Variants in RUFY2 observed in about 807,000 individuals in gnomAD.
RUFY2 encodes the protein RUN and FYVE domain-containing protein 2.
RUFY2 carries 49 observed loss-of-function variants against 94.4 expected under a neutral mutation model. The ratio of observed to expected loss-of-function variants is 0.52; its 90% confidence interval spans 0.41 to 0.66. The LOEUF (loss-of-function observed/expected upper bound fraction) is 0.66, where lower values mean the gene tolerates loss of function less well. Among genes scored for constraint, RUFY2 ranks in the 30% least tolerant of loss-of-function variants. The pLI is 0.00. For synonymous variants in RUFY2, 255 were observed against 235.7 expected (o/e 1.08, Z -0.75); for missense variants, 541 against 692.8 (o/e 0.78, Z 2.46).
At chr10:68,370,135 A>T (rs569160713) in intron 13 of RUFY2, among the ~76,000 whole-genome samples, 118 of 152,176 alleles carry the variant, frequency 7.8e-4, no homozygotes, top group African/African-American at 2.8e-3. Flanking sequence ...AATACAAAAA[A>T]TTAGCCGGGC....
At chr10:68,378,157 T>C (rs972032274) in intron 12 of RUFY2, 3 of 987,098 alleles carry the variant, frequency 3.0e-6, no homozygotes, top group African/African-American at 1.7e-5. Flanking sequence ...TTAAAGCATA[T>C]GTAAAAATCT....
At chr10:68,383,753 T>C in intron 10 of RUFY2, 45 bp downstream of exon 10, 1 of 1,321,746 alleles carries the variant, frequency 7.6e-7, no homozygotes, top group Non-Finnish European at 1.1e-6. Context: ...GAGGGTAAAT[T>C]ACTCCCAGGA....
At chr10:68,406,745 C>G in intron 1 of RUFY2, 1 of 1,604,578 alleles carries the variant, frequency 6.2e-7, no homozygotes. Flanking sequence ...ACCATCGCGG[C>G]GGGCTCACCC....
intron 6 of RUFY2, 63 bp downstream of exon 6, chr10:68,394,012 A>T (rs1412922121): frequency 2.0e-6 from 3 of 1,464,030 alleles, no homozygotes; most frequent in South Asian, 2.6e-5. Context: ...GATGGATCTT[A>T]TAATGATTTG....
At position 68,394,198 on chromosome 10, in the gene RUFY2, T is replaced by A. The variant is rs990465409; in HGVS notation, c.523-62A>T. 162 of 1,518,208 alleles carry A rather than the reference T, an allele frequency of 1.1e-4. No homozygotes were observed. In the Middle Eastern group the frequency reaches 1.6e-3, roughly 15 times the overall value. 94.0% of individuals were successfully genotyped at this position (1,518,208 alleles called of 1,614,324 possible). On this transcript the variant is annotated intron_variant, in intron 5 of 17. Transcript: ENST00000602465. ...GAAAATACTTTATCAGAAGTACCTT[T>A]ACTGAATGTTACTCTTAATATTCCT...
intron 13 of RUFY2, among the ~76,000 whole-genome samples, chr10:68,372,583 T>TAAA (rs770098226): frequency 2.1e-5 from 2 of 96,362 alleles, no homozygotes; most frequent in Non-Finnish European, 4.2e-5. Context: ...CCTCTCTCTT[T>TAAA]AAAAAAAAAA....
Position 68,356,464 on chromosome 10 carries a change from C to G in RUFY2, c.1551-1063G>C, listed in dbSNP as rs1011991876. 4.6e-5 allele frequency among the ~76,000 whole-genome samples: 7 copies of G among 152,024 alleles called. 1 individual carries two copies. Among genetic ancestry groups the G allele is most frequent in the Admixed American group, 4.6e-4 (7 of 15,268 alleles). ...GAGGTTTCAGTGAACCAAGATCACA[C>G]CACTGCACTCCAGCCTGGGTGACAG... On this transcript the variant is annotated intron_variant, in intron 15 of 17. Transcript: ENST00000602465.
At chr10:68,358,049 A>G (rs942838493) in intron 15 of RUFY2, among the ~76,000 whole-genome samples, 36 of 152,096 alleles carry the variant, frequency 2.4e-4, no homozygotes, top group Admixed American at 1.3e-4. Flanking sequence ...TTAGCCAGGC[A>G]TGGTGGTATG....
chr10:68,360,819 A>G (rs2132453887), intron 15 of RUFY2, among the ~76,000 whole-genome samples: 1 of 152,136 alleles, frequency 6.6e-6, no homozygotes, highest in East Asian at 1.9e-4. Context: ...CAATTTTCAA[A>G]CCCAGTAAGT....
Position 68,381,223 on chromosome 10 carries a change from A to T in RUFY2, c.1107+9T>A. 1 of 1,572,928 alleles carries T rather than the reference A, an allele frequency of 6.4e-7. No individual in the cohort carries two copies. The highest frequency in any genetic ancestry group is 2.3e-5 in the East Asian group (1 of 44,024). On this transcript the variant is annotated intron_variant, in intron 11 of 17. Transcript: ENST00000602465. ...TTTACATAAAATGAAATTTAAGAAC[A>T]ATCCTTACCTGCAACTTTTGATACA...
At chr10:68,383,697 C>T in intron 10 of RUFY2, 101 bp downstream of exon 10, 1 of 829,436 alleles carries the variant, frequency 1.2e-6, no homozygotes, top group Non-Finnish European at 2.0e-6. Context: ...CTACATACCA[C>T]ACCAAAAAGG....
At chr10:68,358,898 A>C (rs1426501125) in intron 15 of RUFY2, among the ~76,000 whole-genome samples, 1 of 152,076 alleles carries the variant, frequency 6.6e-6, no homozygotes, top group African/African-American at 2.4e-5. Flanking sequence ...GCGACAGAGC[A>C]ACACTCGGTC....
intron 16 of RUFY2, 98 bp from the exon 17 acceptor site, chr10:68,346,182 T>G: frequency 1.2e-6 from 1 of 834,642 alleles, no homozygotes; most frequent in Non-Finnish European, 1.9e-6. Flanking sequence ...AATAGATATA[T>G]GAAGAATGGA....
rs541756262 is a variant in RUFY2, at chr10:68,357,319, C to T, written c.1551-1918G>A. On this transcript the variant is annotated intron_variant, in intron 15 of 17. Coordinates refer to ENST00000602465, the MANE Select transcript of RUFY2 (RefSeq NM_001330103.2). ...TCTCGACTCACTGCAACCTCCGCCC[C>T]CAAGGTTCAAGCGATTCTCCTGCCT... 6.1e-3 allele frequency among the ~76,000 whole-genome samples: 930 copies of T among 151,802 alleles called. 15 individuals are homozygous for T. The highest frequency in any genetic ancestry group is 0.022 in the African/African-American group (895 of 41,392).
At chr10:68,381,422 A>G in intron 10 of RUFY2, 23 bp from the exon 11 acceptor site, 1 of 1,598,084 alleles carries the variant, frequency 6.3e-7, no homozygotes, top group Non-Finnish European at 8.5e-7. Context: ...TGTATCCTCA[A>G]TTCACATGCC....
intron 7 of RUFY2, among the ~76,000 whole-genome samples, chr10:68,389,359 G>A (rs534447730): frequency 1.3e-5 from 2 of 151,526 alleles, no homozygotes; most frequent in South Asian, 2.1e-4. Context: ...TTGGGAGGCC[G>A]AGGTGGGTGG....
chr10:68,405,631 A>G, intron 1 of RUFY2: 2 of 843,000 alleles, frequency 2.4e-6, no homozygotes, highest in Non-Finnish European at 2.9e-6. Flanking sequence ...CTAGGATTCC[A>G]GTGTCATCCA....
intron 3 of RUFY2, among the ~76,000 whole-genome samples, chr10:68,401,260 T>G (rs1229157194): frequency 1.3e-5 from 2 of 152,150 alleles, no homozygotes; most frequent in African/African-American, 4.8e-5. Context: ...GTGCCCTGGA[T>G]TCAGCCTAAA....
intron 4 of RUFY2, among the ~76,000 whole-genome samples, chr10:68,395,244 A>G (rs1264887918): frequency 6.6e-6 from 1 of 152,018 alleles, no homozygotes; most frequent in Non-Finnish European, 1.5e-5. Flanking sequence ...AGGCTGAGAC[A>G]GGAGAATTGC....
Sources: allele counts gnomAD v4.1 joint callset (sites outside exome capture counted in the v4.1 genomes callset), GRCh38; gene constraint gnomAD v4.1.1; transcripts MANE v1.5; gene names NCBI Gene and HGNC (gene_info 2026-07-23, HGNC 2026-07-21).